The following PLD5 variants were observed in gnomAD, a reference collection of about 807,000 sequenced individuals.
The protein encoded by PLD5 is inactive phospholipase D5.
In PLD5, 36 loss-of-function variants were observed where a neutral mutation model predicts 61.1. The observed-to-expected ratio is 0.59, with a 90% CI of 0.45 to 0.78. PLD5 has a LOEUF of 0.78. PLD5 is among the 30% of genes least tolerant of loss of function. The pLI, the probability that PLD5 is intolerant of heterozygous loss-of-function variation, is 0.00. For synonymous variants in PLD5, 243 were observed against 242.8 expected, an observed-to-expected ratio of 1.00 and a Z score of -0.01; for missense variants, 515 against 644.4, an observed-to-expected ratio of 0.80 and a Z score of 2.17.
chr1:242,383,591 AT>A (rs1185088019), intron 1 of PLD5, among the ~76,000 whole-genome samples: 3 of 151,780 alleles, frequency 2.0e-5, no homozygotes, highest in Admixed American at 2.0e-4. Context: ...GTCTAATTTT[AT>A]CTTTAAATGA....
intron 1 of PLD5, among the ~76,000 whole-genome samples, chr1:242,450,028 A>G (rs1265938571): frequency 6.6e-6 from 1 of 152,224 alleles, no homozygotes; most frequent in African/African-American, 2.4e-5. Flanking sequence ...GAAGAGTATA[A>G]TCAAAGTTCT....
At chr1:242,415,669 C>T (rs561924590) in intron 1 of PLD5, among the ~76,000 whole-genome samples, 145 of 152,094 alleles carry the variant, frequency 9.5e-4, no homozygotes, top group African/African-American at 2.8e-3. Flanking sequence ...CCCGCCACCA[C>T]GCCCGGCCAA....
intron 1 of PLD5, among the ~76,000 whole-genome samples, chr1:242,489,226 A>T (rs56184638): frequency 0.12 from 18,526 of 152,136 alleles, 1,339 homozygotes; most frequent in Middle Eastern, 0.18. Flanking sequence ...TCAGAGGAGC[A>T]TGAGTGAGTC....
chr1:242,138,339 T>C (rs1271283158), intron 5 of PLD5, among the ~76,000 whole-genome samples: 2 of 151,924 alleles, frequency 1.3e-5, no homozygotes, highest in Non-Finnish European at 2.9e-5. Context: ...AAGCATAAAA[T>C]GAGTTATAAA....
At position 242,419,572 on chromosome 1, in the gene PLD5, A is replaced by ATTTTTTTT. The variant is rs767869905; in HGVS notation, c.190-71338_190-71331dup. Among the ~76,000 whole-genome samples, 31 of 97,076 alleles carry ATTTTTTTT rather than the reference A, an allele frequency of 3.2e-4. 1 individual carries two copies. The highest frequency in any genetic ancestry group is 5.7e-4 in the Admixed American group (4 of 7,032). The allele number at this position is 97,076 out of a possible 152,430, so 63.7% of individuals were successfully genotyped here. On this transcript the variant is annotated intron_variant, in intron 1 of 9. Transcript: ENST00000536534. ...CACTACACCCGGCTAAATTTTTTGC[A>ATTTTTTTT]TTTTTTTTTTTTTTTTTTTTTTAGT...
chr1:242,317,007 A>C (rs1244441668), intron 2 of PLD5, among the ~76,000 whole-genome samples: 3 of 147,314 alleles, frequency 2.0e-5, no homozygotes, highest in Non-Finnish European at 3.0e-5. Flanking sequence ...TATCCAGTCT[A>C]CTTTTTTTTT....
chr1:242,217,548 T>C (rs1359786129), intron 5 of PLD5, among the ~76,000 whole-genome samples: 1 of 151,356 alleles, frequency 6.6e-6, no homozygotes, highest in Admixed American at 6.6e-5. Flanking sequence ...CACTTGAACC[T>C]GGGAGGTGGA....
At chr1:242,173,558 A>G (rs1206068438) in intron 5 of PLD5, among the ~76,000 whole-genome samples, 5 of 152,198 alleles carry the variant, frequency 3.3e-5, no homozygotes, top group Non-Finnish European at 2.9e-5. Context: ...TAAAGTTCAT[A>G]TGGAACCAAA....
At chr1:242,227,431 C>T (rs1464567053) in intron 4 of PLD5, among the ~76,000 whole-genome samples, 1 of 152,122 alleles carries the variant, frequency 6.6e-6, no homozygotes, top group Non-Finnish European at 1.5e-5. Flanking sequence ...GTGGTGCGAT[C>T]TTGGCTCATT....
At chr1:242,291,994 G>A (rs1675395959) in intron 2 of PLD5, among the ~76,000 whole-genome samples, 2 of 152,138 alleles carry the variant, frequency 1.3e-5, no homozygotes, top group South Asian at 4.1e-4. Context: ...CTTTAGAGAA[G>A]CAGGAAGATG....
chr1:242,134,166 T>G (rs1447264296), intron 5 of PLD5, among the ~76,000 whole-genome samples: 2 of 152,232 alleles, frequency 1.3e-5, no homozygotes, highest in African/African-American at 4.8e-5. Context: ...CCACCCCACT[T>G]AGGCAGAGGA....
At chr1:242,300,448 GAAGAAGAAAGAAAGAAAGA>G (rs1201152488) in intron 2 of PLD5, among the ~76,000 whole-genome samples, 2 of 17,602 alleles carry the variant, frequency 1.1e-4, no homozygotes, top group Middle Eastern at 0.025. Context: ...GGAGGAGGAG[GAAGAAGAAAGAAAGAAAGA>G]AAGAAAGAAA....
chr1:242,092,705 C>T lies in PLD5; in HGVS notation c.1355-2595G>A, dbSNP rs145036726. Among the ~76,000 whole-genome samples, 277 of 152,198 alleles carry T rather than the reference C, an allele frequency of 1.8e-3. 1 individual carries two copies. Among genetic ancestry groups the T allele is most frequent in the Middle Eastern group, 0.014 (4 of 294 alleles). ...CCTGGGCACCCCTGGCCCAAGGGCC[C>T]GCAGTCATCTGTGGGAGAAGCTGCT... On this transcript the variant is annotated intron_variant, in intron 9 of 9. Coordinates refer to ENST00000536534, the MANE Select transcript of PLD5 (RefSeq NM_001372062.1).
rs71579089 is a variant in PLD5 at position 242,241,991 on chromosome 1, C to CTATATATA, written c.608-21884_608-21877dup. 3.0e-3 allele frequency among the ~76,000 whole-genome samples: 350 copies of CTATATATA among 115,302 alleles called. 1 individual carries two copies. Among genetic ancestry groups the CTATATATA allele is most frequent in the African/African-American group, 9.8e-3 (297 of 30,182 alleles). 75.6% of individuals were successfully genotyped at this position (115,302 alleles called of 152,430 possible). A position where few individuals can be genotyped will look rare whatever the true frequency, so the allele number is the denominator to read the frequency against. On this transcript the variant is annotated intron_variant, in intron 4 of 9. Transcript: ENST00000536534. ...CTTAAATATATACTATATATACTTA[C>CTATATATA]TATATATATATATATATATAGACAC...
intron 1 of PLD5, among the ~76,000 whole-genome samples, chr1:242,513,155 C>T (rs529404194): frequency 2.0e-5 from 3 of 152,310 alleles, no homozygotes; most frequent in African/African-American, 7.2e-5. Flanking sequence ...GCTGGGATTA[C>T]AGGCCTGAGT....
chr1:242,512,626 C>T (rs1196157874), intron 1 of PLD5, among the ~76,000 whole-genome samples: 1 of 152,102 alleles, frequency 6.6e-6, no homozygotes, highest in Non-Finnish European at 1.5e-5. Context: ...AAAATGGAGA[C>T]ATATGGAAGT....
At chr1:242,215,834 C>T (rs764327457) in intron 5 of PLD5, among the ~76,000 whole-genome samples, 23 of 152,218 alleles carry the variant, frequency 1.5e-4, no homozygotes, top group Non-Finnish European at 3.1e-4. Context: ...ACCATTCACT[C>T]CAGATAATTG....
At chr1:242,101,091 C>T (rs975205243) in intron 8 of PLD5, among the ~76,000 whole-genome samples, 1 of 152,182 alleles carries the variant, frequency 6.6e-6, no homozygotes, top group Non-Finnish European at 1.5e-5. Context: ...TTGTCTTATT[C>T]ATCGGGGTGC....
intron 5 of PLD5, among the ~76,000 whole-genome samples, chr1:242,150,231 G>A (rs1664834512): frequency 6.6e-6 from 1 of 151,160 alleles, no homozygotes; most frequent in East Asian, 1.9e-4. Flanking sequence ...CAACAATATT[G>A]GCTCTCTTGA....
Sources: gnomAD v4.1 joint callset for allele counts (sites outside exome capture counted in the v4.1 genomes callset) on GRCh38, gnomAD v4.1.1 for gene constraint, MANE v1.5 for transcripts, NCBI Gene and HGNC (gene_info 2026-07-23, HGNC 2026-07-21) for gene names.